Variants in SIGLEC11 observed in about 807,000 individuals in gnomAD.
The protein encoded by SIGLEC11 is sialic acid-binding Ig-like lectin 11.
Under a neutral mutation model 61.2 loss-of-function variants are expected in SIGLEC11, and 47 were observed. That is an observed-to-expected ratio of 0.77 (90% CI 0.61 to 0.98). The LOEUF is 0.98. Among genes scored for constraint, SIGLEC11 ranks in the 50% least tolerant of loss-of-function variants. The pLI, the probability that SIGLEC11 is intolerant of heterozygous loss-of-function variation, is 0.00. For synonymous variants in SIGLEC11, 278 were observed against 373.1 expected (o/e 0.75, Z 2.94); for missense variants, 610 against 870.3 (o/e 0.70, Z 3.76).
At chr19:49,958,988 T>C in intron 6 of SIGLEC11, 42 bp downstream of exon 6, 10 of 1,613,458 alleles carry the variant, frequency 6.2e-6, no homozygotes, top group Non-Finnish European at 8.5e-6. Flanking sequence ...GGGCCCCCAG[T>C]TTGGCACTGA....
rs927077170 is a variant in SIGLEC11, at chr19:49,957,386, T to TA, written c.1651+896dup. ...AAAAAGTAACAGGCAAGGCAAGGGT[T>TA]AAAAAAAAAACAAAAAAAACCCAAG... On this transcript the variant is annotated intron_variant, in intron 8 of 10. Coordinates refer to ENST00000447370, the MANE Select transcript of SIGLEC11 (RefSeq NM_052884.3). 3.2e-3 allele frequency among the ~76,000 whole-genome samples: 470 copies of TA among 145,062 alleles called. 3 individuals carry two copies. The highest frequency in any genetic ancestry group is 9.5e-3 in the African/African-American group (376 of 39,768).
chr19:49,950,230 G>C lies in SIGLEC11; in HGVS notation c.1837C>G (p.Gln613Glu). ...STLGPISQGH[Q>E]HECSAGSSQD... ...GAGCTGCCTGCCGAGCATTCATGCT[G>C]GTGACCCTGAATGCAGGGGAGAAAG... is the stretch of plus-strand genomic sequence containing the variant. Residue 613 changes from glutamine to glutamate, a missense_variant, in exon 11 of 11, where the codon CAG (glutamine) becomes GAG (glutamate). Gln to Glu is a conservative substitution (Grantham distance 29). Transcript: ENST00000447370. 4 of 1,583,040 alleles carry C rather than the reference G, an allele frequency of 2.5e-6. No individual in the cohort carries two copies. The highest frequency in any genetic ancestry group is 1.8e-4 in the Middle Eastern group (1 of 5,504).
At chr19:49,952,156 G>T in intron 9 of SIGLEC11, 142 bp downstream of exon 9, 5 of 1,021,326 alleles carry the variant, frequency 4.9e-6, no homozygotes, top group Non-Finnish European at 7.1e-6. Flanking sequence ...GGGCTCTGGA[G>T]CAGACCCCTG....
rs1303535926 is a variant in SIGLEC11 at position 49,952,057 on chromosome 19, G to A, written c.1749-85C>T. Reference sequence around the variant, plus strand: ...TACCCACATGGCTTAGCAGAGGCTGGAAGGCTGCAGAGCCCAGTGGGGTGG... The same window carrying A: ...TACCCACATGGCTTAGCAGAGGCTGAAAGGCTGCAGAGCCCAGTGGGGTGG... On this transcript the variant is annotated intron_variant, in intron 9 of 10. Transcript: ENST00000447370. 3.7e-6 allele frequency: 5 copies of A among 1,365,786 alleles called. No homozygotes were observed. In the Admixed American group the frequency reaches 7.1e-5, roughly 19 times the overall value. The allele number at this position is 1,365,786 out of a possible 1,614,324, so 84.6% of individuals were successfully genotyped here. A position where few individuals can be genotyped will look rare whatever the true frequency, so the allele number is the denominator to read the frequency against.
intron 8 of SIGLEC11, 146 bp downstream of exon 8, chr19:49,958,137 C>T (rs1469154388): frequency 4.3e-6 from 5 of 1,169,398 alleles, no homozygotes; most frequent in South Asian, 1.6e-5. Context: ...CTCAGTTTCC[C>T]GCAACAACTA....
At position 49,958,912 on chromosome 19, in the gene SIGLEC11, A is replaced by G; in HGVS notation, c.1106-12T>C. 1 of 1,603,324 alleles carries G rather than the reference A, an allele frequency of 6.2e-7. No homozygotes were observed. Among genetic ancestry groups the G allele is most frequent in the East Asian group, 2.2e-5 (1 of 44,704 alleles). On this transcript the variant is annotated splice_polypyrimidine_tract_variant and intron_variant, in intron 6 of 10. Coordinates refer to ENST00000447370, the MANE Select transcript of SIGLEC11 (RefSeq NM_052884.3). ...GAGGTTTTCCAGGACTAGGGAAGGA[A>G]GAGGCAGAATCGACGTGCAGCTCAG...
In SIGLEC11 at chr19:49,950,642, T is replaced by C. The variant is rs760736463; in HGVS notation, c.1831-406A>G. Among the ~76,000 whole-genome samples, 48 of 152,158 alleles carry C rather than the reference T, an allele frequency of 3.2e-4. 1 individual carries two copies. The highest frequency in any genetic ancestry group is 3.2e-3 in the Middle Eastern group (1 of 316). On this transcript the variant is annotated intron_variant, in intron 10 of 10. Coordinates refer to ENST00000447370, the MANE Select transcript of SIGLEC11 (RefSeq NM_052884.3). ...TCTGACTCCAGTGCCCGCTGCCTTA[T>C]GGAACAGCTCCCCTGTGCCAGCCCC...
In SIGLEC11 at chr19:49,951,880, T is replaced by C. The variant is rs750182245; in HGVS notation, c.1830+11A>G. The C allele has an allele frequency of 6.3e-7, 1 of 1,583,482 alleles. No homozygotes were observed. Among genetic ancestry groups the C allele is most frequent in the Non-Finnish European group, 8.6e-7 (1 of 1,166,064 alleles). ...AGGCAGGGCCCCAGCAGACAGAGGC[T>C]GGGCTCTCACCTGGGAGATGGGTCC... On this transcript the variant is annotated intron_variant, in intron 10 of 10. Coordinates refer to ENST00000447370, the MANE Select transcript of SIGLEC11 (RefSeq NM_052884.3). The surrounding 1 kb of genome is among the most constrained non-coding windows in gnomAD (Gnocchi z 4.6).
rs2076215107 is a variant in SIGLEC11, at chr19:49,958,508, A to G, written c.1426T>C (p.Ser476Pro). ...GAGGGGGCCGGGCTGGCCTGGGAGG[A>G]GCAGCTGCAGTGCAGACCCTCAGCC... ...WEAEGLHCSC[S>P]SQASPAPSLR... The change falls in exon 8 of 11, where the codon TCC becomes CCC. Residue 476 changes from serine to proline, a missense_variant. Around this residue, in one of 6 missense-constraint regions of SIGLEC11, gnomAD observed 432 missense variants for 441.5 expected, o/e 0.98. Transcript: ENST00000447370. 3 of 1,608,332 alleles carry G rather than the reference A, an allele frequency of 1.9e-6. No individual in the cohort carries two copies. Among genetic ancestry groups the G allele is most frequent in the African/African-American group, 1.3e-5 (1 of 74,656 alleles).
rs747226330 is a variant in SIGLEC11 at position 49,949,924 on chromosome 19, G to GC, written c.*45dup. 2 of 1,382,316 alleles carry GC rather than the reference G, an allele frequency of 1.4e-6. No homozygotes were observed. The highest frequency in any genetic ancestry group is 3.2e-5 in the Admixed American group (1 of 31,376). 85.6% of individuals were successfully genotyped at this position (1,382,316 alleles called of 1,614,324 possible). A position where few individuals can be genotyped will look rare whatever the true frequency, so the allele number is the denominator to read the frequency against. On this transcript the variant is annotated 3_prime_UTR_variant, in exon 11 of 11. Coordinates refer to ENST00000447370, the MANE Select transcript of SIGLEC11 (RefSeq NM_052884.3). ...GTCCAGTTCTGGCCGTCACACCAGT[G>GC]CGACTCCCACACACTTGCTGGTGTC...
intron 8 of SIGLEC11, among the ~76,000 whole-genome samples, chr19:49,952,749 A>G (rs973772590): frequency 6.6e-6 from 1 of 152,214 alleles, no homozygotes; most frequent in Admixed American, 6.5e-5. Context: ...TGGCTTCTTA[A>G]GCATAACTAT....
rs549620096 is a variant in SIGLEC11 at position 49,951,404 on chromosome 19, C to G, written c.1830+487G>C. ...TATCGGTCACTATAAACCATCACCA[C>G]GAGGATCACAGCTCTCAGTGAGTCC... is the stretch of plus-strand genomic sequence containing the variant. On this transcript the variant is annotated intron_variant, in intron 10 of 10. Transcript: ENST00000447370. The surrounding 1 kb of genome is among the most constrained non-coding windows in gnomAD (Gnocchi z 4.6). 2.0e-5 allele frequency among the ~76,000 whole-genome samples: 3 copies of G among 152,312 alleles called. No individual in the cohort carries two copies. Among genetic ancestry groups the G allele is most frequent in the East Asian group, 1.9e-4 (1 of 5,182 alleles).
chr19:49,958,967 T>G, intron 6 of SIGLEC11, 63 bp downstream of exon 6: 1 of 1,613,242 alleles, frequency 6.2e-7, no homozygotes, highest in Non-Finnish European at 8.5e-7. Flanking sequence ...GTGGGGACCC[T>G]CCAGACTCCT....
intron 6 of SIGLEC11, 58 bp downstream of exon 6, chr19:49,958,972 A>G: frequency 4.3e-6 from 7 of 1,612,780 alleles, no homozygotes; most frequent in South Asian, 3.3e-5. Context: ...GACCCTCCAG[A>G]CTCCTGGGCC....
At position 49,954,478 on chromosome 19, in the gene SIGLEC11, G is replaced by A. The variant is rs557173233; in HGVS notation, c.1652-2084C>T. On this transcript the variant is annotated intron_variant, in intron 8 of 10. Coordinates refer to ENST00000447370, the MANE Select transcript of SIGLEC11 (RefSeq NM_052884.3). ...AAATGCCTGCTCGAGCTATGCAAATGCCTGTCAGGGAGATGTGAGGACCCA... is the reference window on the plus strand; with the variant it reads ...AAATGCCTGCTCGAGCTATGCAAATACCTGTCAGGGAGATGTGAGGACCCA... Among the ~76,000 whole-genome samples, 8 of 152,302 alleles carry A rather than the reference G, an allele frequency of 5.3e-5. No homozygotes were observed. In the South Asian group the frequency reaches 1.7e-3, roughly 32 times the overall value.
chr19:49,958,151 G>A (rs553310519), intron 8 of SIGLEC11, 132 bp downstream of exon 8: 67 of 1,295,714 alleles, frequency 5.2e-5, no homozygotes, highest in Non-Finnish European at 6.9e-5. Context: ...ACAACTACCA[G>A]CCACAGAGCA....
chr19:49,951,869 C>A lies in SIGLEC11; in HGVS notation c.1830+22G>T. 6.4e-7 allele frequency: 1 copy of A among 1,565,120 alleles called. No individual in the cohort carries two copies. The highest frequency in any genetic ancestry group is 8.6e-7 in the Non-Finnish European group (1 of 1,156,618). On this transcript the variant is annotated intron_variant, in intron 10 of 10. Transcript: ENST00000447370. This position sits in a 1 kb window ranked among gnomAD's most constrained non-coding sequence, Gnocchi z 4.6. ...GAAAGGGGAACAGGCAGGGCCCCAGCAGACAGAGGCTGGGCTCTCACCTGG... is the reference window on the plus strand; with the variant it reads ...GAAAGGGGAACAGGCAGGGCCCCAGAAGACAGAGGCTGGGCTCTCACCTGG...
In SIGLEC11 at chr19:49,949,852, T is replaced by G; in HGVS notation, c.*118A>C. ...GTCAGACCCTGTCTCAAAAAAAGTA[T>G]AATCTTCAAACTCAAGCTCTTCATT... On this transcript the variant is annotated 3_prime_UTR_variant, in exon 11 of 11. Coordinates refer to ENST00000447370, the MANE Select transcript of SIGLEC11 (RefSeq NM_052884.3). The G allele has an allele frequency of 8.8e-7, 1 of 1,131,898 alleles. No individual in the cohort carries two copies. 70.1% of individuals were successfully genotyped at this position (1,131,898 alleles called of 1,614,324 possible).
At position 49,950,042 on chromosome 19, in the gene SIGLEC11, T is replaced by G; in HGVS notation, c.2025A>C (p.Thr675=). ...TTEYSEIKIH[T]GQPLRGPGFG... Reference sequence around the variant, plus strand: ...AGCCTGGGCCCCTCAGGGGCTGTCCTGTGTGGATCTTGATCTCCGAGTACT... The same window carrying G: ...AGCCTGGGCCCCTCAGGGGCTGTCCGGTGTGGATCTTGATCTCCGAGTACT... Residue 675 remains threonine (T), a synonymous_variant, in exon 11 of 11, where the codon ACA becomes ACC. Coordinates refer to ENST00000447370, the MANE Select transcript of SIGLEC11 (RefSeq NM_052884.3). The G allele has an allele frequency of 6.2e-7, 1 of 1,602,772 alleles. No homozygotes were observed. The highest frequency in any genetic ancestry group is 8.5e-7 in the Non-Finnish European group (1 of 1,172,684).
Sources: allele counts gnomAD v4.1 joint callset (sites outside exome capture counted in the v4.1 genomes callset), GRCh38; gene constraint gnomAD v4.1.1; regional missense constraint gnomAD v4.1.1; non-coding constraint Gnocchi (gnomAD v3.1); transcripts MANE v1.5; gene names NCBI Gene and HGNC (gene_info 2026-07-23, HGNC 2026-07-21).